The following PARD3B variants were observed in gnomAD, a reference collection of about 807,000 sequenced individuals.
The protein encoded by PARD3B is partitioning defective 3 homolog B.
A neutral mutation model predicts 130.2 loss-of-function variants in PARD3B; 103 were observed. That is an observed-to-expected ratio of 0.79 (90% CI 0.67 to 0.93). PARD3B has a LOEUF of 0.93. Ranked by LOEUF, PARD3B falls within the 40% of genes least tolerant of loss-of-function variation. The pLI is 0.00. For missense variants in PARD3B, 1,609 were observed against 1,499.2 expected, an observed-to-expected ratio of 1.07 and a Z score of -1.21; for synonymous variants, 583 against 553.2, an observed-to-expected ratio of 1.05 and a Z score of -0.76.
intron 8 of PARD3B, among the ~76,000 whole-genome samples, chr2:205,123,301 A>G (rs531082672): frequency 1.1e-3 from 163 of 152,338 alleles, no homozygotes; most frequent in Non-Finnish European, 1.8e-3. Flanking sequence ...TCATTGCTAG[A>G]AATTAGAATT....
chr2:205,579,267 A>C (rs1407072764), intron 22 of PARD3B, among the ~76,000 whole-genome samples: 1 of 152,174 alleles, frequency 6.6e-6, no homozygotes, highest in Non-Finnish European at 1.5e-5. Context: ...GAAAACCCTG[A>C]GTGGCCCATT....
At chr2:205,248,753 G>T (rs1218883645) in intron 16 of PARD3B, among the ~76,000 whole-genome samples, 1 of 149,734 alleles carries the variant, frequency 6.7e-6, no homozygotes, top group Non-Finnish European at 1.5e-5. Context: ...GACCACAGGC[G>T]CCCACTACCG....
intron 4 of PARD3B, among the ~76,000 whole-genome samples, chr2:205,082,058 C>T (rs1486886770): frequency 1.1e-4 from 16 of 152,028 alleles, no homozygotes; most frequent in Admixed American, 1.0e-3. Context: ...TGCTATAGAG[C>T]CCTTTAAGTT....
intron 20 of PARD3B, among the ~76,000 whole-genome samples, chr2:205,494,111 A>T (rs1484118027): frequency 1.3e-5 from 2 of 152,074 alleles, no homozygotes; most frequent in Admixed American, 6.6e-5. Context: ...CCAGGCTGGT[A>T]CCCACAAATA....
At chr2:205,612,433 C>T (rs185198823) in intron 22 of PARD3B, among the ~76,000 whole-genome samples, 41 of 152,198 alleles carry the variant, frequency 2.7e-4, no homozygotes, top group African/African-American at 8.2e-4. Context: ...TGAGCCACCG[C>T]CCCCGGCCAA....
intron 20 of PARD3B, among the ~76,000 whole-genome samples, chr2:205,443,469 C>T (rs1575037459): frequency 6.6e-6 from 1 of 152,260 alleles, no homozygotes; most frequent in East Asian, 1.9e-4. Context: ...AGAGGACCAA[C>T]ACATGTAGAA....
At chr2:204,927,863 GA>G (rs1157302735) in intron 2 of PARD3B, among the ~76,000 whole-genome samples, 4 of 148,808 alleles carry the variant, frequency 2.7e-5, no homozygotes, top group African/African-American at 1.0e-4. Flanking sequence ...TAGGTAGGTA[GA>G]TAGATAGATA....
intron 2 of PARD3B, among the ~76,000 whole-genome samples, chr2:204,880,178 C>A (rs1481435279): frequency 6.6e-6 from 1 of 152,130 alleles, no homozygotes; most frequent in Non-Finnish European, 1.5e-5. Context: ...ATAAAATAAT[C>A]TCTTTCTCTT....
rs537870559 is a variant in PARD3B, at chr2:205,264,188, G to A, written c.2185+18366G>A. On this transcript the variant is annotated intron_variant, in intron 16 of 22. Transcript: ENST00000406610. ...CTGGAGCTCCAGAGAGATCAATCAA[G>A]GTTAGCGATACAGATTTAGAAGTCA... 8.1e-4 allele frequency among the ~76,000 whole-genome samples: 123 copies of A among 151,070 alleles called. 1 individual carries two copies. The highest frequency in any genetic ancestry group is 2.8e-3 in the African/African-American group (116 of 41,184).
At chr2:205,181,768 G>T (rs1044917413) in intron 13 of PARD3B, among the ~76,000 whole-genome samples, 14 of 152,116 alleles carry the variant, frequency 9.2e-5, no homozygotes, top group Non-Finnish European at 1.5e-4. Flanking sequence ...GAGCCATTTG[G>T]CCATCAATGA....
intron 21 of PARD3B, among the ~76,000 whole-genome samples, chr2:205,503,704 T>G (rs2106351064): frequency 6.6e-6 from 1 of 152,338 alleles, no homozygotes; most frequent in East Asian, 1.9e-4. Flanking sequence ...TTTCCAATTC[T>G]GTGAAGAAAG....
At chr2:204,990,073 T>C (rs993776063) in intron 3 of PARD3B, among the ~76,000 whole-genome samples, 1 of 152,098 alleles carries the variant, frequency 6.6e-6, no homozygotes, top group Non-Finnish European at 1.5e-5. Flanking sequence ...TTTTACATGG[T>C]CAGCAAAACA....
At position 204,932,318 on chromosome 2, in the gene PARD3B, TAAA is replaced by T. The variant is rs1016412375; in HGVS notation, c.223-32832_223-32830del. Among the ~76,000 whole-genome samples, 9 of 152,280 alleles carry T rather than the reference TAAA, an allele frequency of 5.9e-5. No individual in the cohort carries two copies. In the South Asian group the frequency reaches 1.0e-3, roughly 18 times the overall value. ...TCTACTTCTGATTATGTTTCATCTG[TAAA>T]ATGAGCTTAATGCTCTTATTTCATT... is the stretch of plus-strand genomic sequence containing the variant. On this transcript the variant is annotated intron_variant, in intron 2 of 22. Transcript: ENST00000406610.
In PARD3B at chr2:205,461,163, A is replaced by G. The variant is rs2048438126; in HGVS notation, c.3044+20491A>G. On this transcript the variant is annotated intron_variant, in intron 20 of 22. Transcript: ENST00000406610. This position sits in a 1 kb window ranked among gnomAD's most constrained non-coding sequence, Gnocchi z 4.3. ...ATAAACATATTTGACACTGTGGAGG[A>G]TCAAGAAAGAAGTCACTGAGAAAGC... is the stretch of plus-strand genomic sequence containing the variant. Among the ~76,000 whole-genome samples, 1 of 152,192 alleles carries G rather than the reference A, an allele frequency of 6.6e-6. No homozygotes were observed. Among genetic ancestry groups the G allele is most frequent in the Non-Finnish European group, 1.5e-5 (1 of 68,038 alleles).
chr2:204,560,647 G>A (rs1052445202), intron 1 of PARD3B, among the ~76,000 whole-genome samples: 8 of 152,162 alleles, frequency 5.3e-5, no homozygotes, highest in Non-Finnish European at 1.0e-4. Context: ...GAGGAGGTTG[G>A]GGAGAAGAGG....
Position 204,965,449 on chromosome 2 carries a change from T to G in PARD3B, c.394+126T>G. On this transcript the variant is annotated intron_variant, in intron 3 of 22. Coordinates refer to ENST00000406610, the MANE Select transcript of PARD3B (RefSeq NM_001302769.2). The stretch of plus-strand genomic sequence containing the variant: ...TTTATATCGTGGTTTATCTTTTCTT[T>G]AAATTATTTTTTTACATAGCTCTTT... 2 of 1,067,478 alleles carry G rather than the reference T, an allele frequency of 1.9e-6. 1 individual carries two copies. The highest frequency in any genetic ancestry group is 3.4e-5 in the South Asian group (2 of 59,202). The allele number at this position is 1,067,478 out of a possible 1,614,324, so 66.1% of individuals were successfully genotyped here. A position where few individuals can be genotyped will look rare whatever the true frequency, so the allele number is the denominator to read the frequency against.
At chr2:204,899,965 G>A (rs777871257) in intron 2 of PARD3B, among the ~76,000 whole-genome samples, 1 of 151,414 alleles carries the variant, frequency 6.6e-6, no homozygotes, top group Non-Finnish European at 1.5e-5. Flanking sequence ...GGTTTCCACT[G>A]AGAAGTCTAC....
At position 205,530,623 on chromosome 2, in the gene PARD3B, T is replaced by C. The variant is rs2051547848; in HGVS notation, c.3181-22701T>C. On this transcript the variant is annotated intron_variant, in intron 21 of 22. Coordinates refer to ENST00000406610, the MANE Select transcript of PARD3B (RefSeq NM_001302769.2). The surrounding 1 kb of genome is among the most constrained non-coding windows in gnomAD (Gnocchi z 4.7). ...CCTTCCATCCTGAGGAGCTAGAGAA[T>C]CCGAGATTCAGAGAGGGGCAAAATG... Among the ~76,000 whole-genome samples the C allele has an allele frequency of 6.6e-6, 1 of 152,000 alleles. No individual in the cohort carries two copies.
intron 4 of PARD3B, among the ~76,000 whole-genome samples, chr2:205,048,929 G>T (rs1021745590): frequency 2.6e-5 from 4 of 152,080 alleles, no homozygotes; most frequent in Admixed American, 2.0e-4. Flanking sequence ...TTTAATGTAC[G>T]TACAAACAAA....
Sources: gnomAD v4.1 joint callset for allele counts (sites outside exome capture counted in the v4.1 genomes callset) on GRCh38, gnomAD v4.1.1 for gene constraint, Gnocchi (gnomAD v3.1) non-coding constraint, MANE v1.5 for transcripts, NCBI Gene and HGNC (gene_info 2026-07-23, HGNC 2026-07-21) for gene names.